NID2: variants seen among roughly 807,000 people sequenced by gnomAD.
The protein encoded by NID2 is nidogen 2, also known as nidogen-2.
In NID2, 83 loss-of-function variants were observed where a neutral mutation model predicts 145.4. The ratio of observed to expected loss-of-function variants is 0.57; its 90% CI spans 0.48 to 0.69. NID2 has a LOEUF of 0.69. NID2 is among the 30% of genes least tolerant of loss of function. The probability of loss-of-function intolerance (pLI) is 0.00; values close to 1 mark genes in which losing one functional copy is unlikely to be tolerated. For synonymous variants in NID2, 739 were observed against 701.3 expected (o/e 1.05, Z -0.85); for missense variants, 1,807 against 1,765.7 (o/e 1.02, Z -0.42).
At chr14:52,030,567 A>AGAAAGAAAAGAGAAT (rs66551436) in intron 9 of NID2, among the ~76,000 whole-genome samples, 2 of 99,272 alleles carry the variant, frequency 2.0e-5, no homozygotes, top group African/African-American at 7.7e-5. Flanking sequence ...AAAGAAAGAA[A>AGAAAGAAAAGAGAAT]GGAAGGAAGG....
At chr14:52,036,461 A>G (rs750632772) in intron 9 of NID2, among the ~76,000 whole-genome samples, 1 of 152,216 alleles carries the variant, frequency 6.6e-6, no homozygotes, top group Non-Finnish European at 1.5e-5. Flanking sequence ...TACTGCCACT[A>G]TGAATATACA....
chr14:52,065,482 T>TTTTTTTTTTTTA (rs1893164623), intron 2 of NID2, among the ~76,000 whole-genome samples: 1 of 132,982 alleles, frequency 7.5e-6, no homozygotes, highest in African/African-American at 3.0e-5. Context: ...CCCCTTTCTT[T>TTTTTTTTTTTTA]TTTATTTATT....
At chr14:52,007,684 C>A in intron 19 of NID2, 126 bp downstream of exon 19, 1 of 893,712 alleles carries the variant, frequency 1.1e-6, no homozygotes, top group Non-Finnish European at 1.8e-6. Flanking sequence ...TTTACTAGTA[C>A]TTAAAAGTTT....
rs773511741 is a variant in NID2, at chr14:52,028,715, A to G, written c.2530+7T>C. The G allele has an allele frequency of 1.2e-6, 2 of 1,609,322 alleles. No homozygotes were observed. The highest frequency in any genetic ancestry group is 2.2e-5 in the South Asian group (2 of 89,628). On this transcript the variant is annotated splice_region_variant and intron_variant, in intron 11 of 21. Transcript: ENST00000216286. ...TGGCCACACAGGAAAATGATTTTGG[A>G]ACTCACAGATGCAAGTATGCCGGTC...
rs187650477 is a variant in NID2 at position 52,049,653 on chromosome 14, G to A, written c.1429+3926C>T. Among the ~76,000 whole-genome samples, 1,136 of 152,116 alleles carry A rather than the reference G, an allele frequency of 7.5e-3. 3 individuals are homozygous for A. The highest frequency in any genetic ancestry group is 0.012 in the Non-Finnish European group (789 of 67,992). ...ATCTCTCAGAATGACAGACTAGTTA[G>A]AAAAACCATATCCAACTTTATAACA... On this transcript the variant is annotated intron_variant, in intron 5 of 21. Coordinates refer to ENST00000216286, the MANE Select transcript of NID2 (RefSeq NM_007361.4).
In NID2 at chr14:52,055,935, G is replaced by GTGTGTT. The variant is rs1435169762; in HGVS notation, c.768-1620_768-1615dup. Reference sequence around the variant, plus strand: ...CAATTTGAAAATGTCTTTCTCTTGTGTGTGTTTGTGTGTGTGTGTGTGTAT... The same window carrying GTGTGTT: ...CAATTTGAAAATGTCTTTCTCTTGTGTGTGTTTGTGTTTGTGTGTGTGTGTGTGTAT... On this transcript the variant is annotated intron_variant, in intron 3 of 21. Coordinates refer to ENST00000216286, the MANE Select transcript of NID2 (RefSeq NM_007361.4). Among the ~76,000 whole-genome samples, 22 of 86,300 alleles carry GTGTGTT rather than the reference G, an allele frequency of 2.5e-4. No homozygotes were observed. The East Asian group carries it at 5.5e-3, about 22-fold the overall frequency. The allele number at this position is 86,300 out of a possible 152,430, so 56.6% of individuals were successfully genotyped here.
Position 52,028,741 on chromosome 14 carries a change from A to T in NID2, c.2511T>A (p.Asp837Glu), listed in dbSNP as rs79978983. The change falls in exon 11 of 22, where the codon GAT (aspartate) becomes GAA (glutamate). Residue 837 changes from aspartate to glutamate, a missense_variant. Asp to Glu is a conservative substitution (Grantham distance 45). Transcript: ENST00000216286. Reference protein sequence around the residue: ...CECRSGYEFADDRHTCILITP... With the variant: ...CECRSGYEFAEDRHTCILITP... Reference sequence around the variant, plus strand: ...ACTCACAGATGCAAGTATGCCGGTCATCTGCAAACTCATAACCACTCCGGC... The same window carrying T: ...ACTCACAGATGCAAGTATGCCGGTCTTCTGCAAACTCATAACCACTCCGGC... 874 of 1,613,146 alleles carry T rather than the reference A, an allele frequency of 5.4e-4. 4 individuals carry two copies. The African/African-American group carries it at 0.011, about 20-fold the overall frequency.
intron 5 of NID2, among the ~76,000 whole-genome samples, chr14:52,045,515 C>T (rs1892456044): frequency 6.9e-6 from 1 of 145,960 alleles, no homozygotes; most frequent in African/African-American, 2.5e-5. Flanking sequence ...AAGTGACAAG[C>T]TTAACTTAAA....
At chr14:52,011,458 C>G (rs564095854) in intron 17 of NID2, 96 bp downstream of exon 17, 1 of 1,519,380 alleles carries the variant, frequency 6.6e-7, no homozygotes, top group East Asian at 2.3e-5. Flanking sequence ...TTAACCTCCC[C>G]TAATGGAGAA....
intron 12 of NID2, among the ~76,000 whole-genome samples, chr14:52,024,645 C>T (rs1017448185): frequency 6.6e-6 from 1 of 152,074 alleles, no homozygotes; most frequent in Non-Finnish European, 1.5e-5. Flanking sequence ...ATTTATTATA[C>T]AGCAATAGAT....
At chr14:52,034,093 T>C (rs1206680242) in intron 9 of NID2, among the ~76,000 whole-genome samples, 2 of 152,170 alleles carry the variant, frequency 1.3e-5, no homozygotes, top group African/African-American at 2.4e-5. Context: ...GAACAGTACT[T>C]GGCACCAAGT....
In NID2 at chr14:52,036,472, C is replaced by T. The variant is rs551932543; in HGVS notation, c.2257+2275G>A. ...TGAATACTGCCACTATGAATATACA[C>T]GAATAAGTTTTTGTGGGGATCTATG... On this transcript the variant is annotated intron_variant, in intron 9 of 21. Transcript: ENST00000216286. 2.1e-4 allele frequency among the ~76,000 whole-genome samples: 32 copies of T among 152,218 alleles called. 1 individual carries two copies. Among genetic ancestry groups the T allele is most frequent in the African/African-American group, 6.7e-4 (28 of 41,532 alleles).
At chr14:52,050,189 C>T (rs947080951) in intron 5 of NID2, among the ~76,000 whole-genome samples, 5 of 152,194 alleles carry the variant, frequency 3.3e-5, no homozygotes, top group African/African-American at 1.2e-4. Context: ...CAGTAAACCT[C>T]ATTCCTTTCT....
chr14:52,029,259 T>C (rs954716222), intron 10 of NID2, among the ~76,000 whole-genome samples: 4 of 152,216 alleles, frequency 2.6e-5, no homozygotes, highest in African/African-American at 7.2e-5. Flanking sequence ...AACTACTTAC[T>C]ACAAAAGCTC....
rs1389879125 is a variant in NID2, at chr14:52,020,140, C to T, written c.2713G>A (p.Ala905Thr). 1 of 1,614,118 alleles carries T rather than the reference C, an allele frequency of 6.2e-7. No individual in the cohort carries two copies. The highest frequency in any genetic ancestry group is 8.5e-7 in the Non-Finnish European group (1 of 1,179,952). Residue 905 changes from alanine to threonine, a missense_variant, in exon 13 of 22, where the codon GCT becomes ACT. By Grantham distance (58) the Ala-to-Thr change is moderately conservative. Coordinates refer to ENST00000216286, the MANE Select transcript of NID2 (RefSeq NM_007361.4). ...ECSENRCHPA[A>T]TCYNTPGSFS... The stretch of plus-strand genomic sequence containing the variant: ...GAACCAGGAGTATTGTAGCAGGTAG[C>T]TGCAGGGTGACATCTGTTTTCTGAG...
chr14:52,012,545 C>G (rs535602412), intron 16 of NID2, among the ~76,000 whole-genome samples: 45 of 152,078 alleles, frequency 3.0e-4, no homozygotes, highest in Non-Finnish European at 5.4e-4. Flanking sequence ...CTGCACCAAG[C>G]CGAGATGGTG....
intron 5 of NID2, among the ~76,000 whole-genome samples, chr14:52,048,014 C>T (rs2140413541): frequency 6.6e-6 from 1 of 152,306 alleles, no homozygotes. Flanking sequence ...AGCCACCCCG[C>T]CAGTGATTCT....
chr14:52,011,818 T>C (rs1430945714), intron 16 of NID2, 135 bp from the exon 17 acceptor site: 2 of 1,061,992 alleles, frequency 1.9e-6, no homozygotes, highest in African/African-American at 3.2e-5. Context: ...GCAGAGTAGC[T>C]GGACATGTGG....
chr14:52,041,127 C>T (rs2140400907), intron 7 of NID2, among the ~76,000 whole-genome samples: 1 of 152,246 alleles, frequency 6.6e-6, no homozygotes, highest in Middle Eastern at 3.4e-3. Flanking sequence ...CTTGACTTTT[C>T]TCTAAGGTTG....
Sources: allele counts gnomAD v4.1 joint callset (sites outside exome capture counted in the v4.1 genomes callset), GRCh38; gene constraint gnomAD v4.1.1; transcripts MANE v1.5; gene names NCBI Gene and HGNC (gene_info 2026-07-23, HGNC 2026-07-21).